The following TRRAP variants were observed in gnomAD, a reference collection of about 807,000 sequenced individuals.
TRRAP encodes transformation/transcription domain associated protein, also known as transformation/transcription domain-associated protein.
Under a neutral mutation model 438.8 loss-of-function variants are expected in TRRAP, and 41 were observed. The ratio of observed to expected loss-of-function variants is 0.09; its 90% CI spans 0.07 to 0.12. The LOEUF (loss-of-function observed/expected upper bound fraction) is 0.12. TRRAP is among the 10% of genes least tolerant of loss of function. The pLI is 1.00. For synonymous variants in TRRAP, 1,994 were observed against 1,962.9 expected (o/e 1.02, Z -0.42); for missense variants, 3,122 against 5,055.1 (o/e 0.62, Z 11.60).
At chr7:98,886,335 T>TAGATAGATATAGATATCTATATAGATAG (rs1414903669) in intron 3 of TRRAP, among the ~76,000 whole-genome samples, 4 of 150,300 alleles carry the variant, frequency 2.7e-5, no homozygotes, top group African/African-American at 7.5e-5. Flanking sequence ...GAGATAGATA[T>TAGATAGATATAGATATCTATATAGATAG]AGATAGATAT....
At chr7:98,895,312 C>T (rs545296079) in intron 6 of TRRAP, among the ~76,000 whole-genome samples, 1 of 152,118 alleles carries the variant, frequency 6.6e-6, no homozygotes, top group South Asian at 2.1e-4. Flanking sequence ...TATGGAATAC[C>T]TTTGTTTACT....
chr7:98,964,981 G>C (rs986364278), intron 48 of TRRAP, among the ~76,000 whole-genome samples: 1 of 152,218 alleles, frequency 6.6e-6, no homozygotes, highest in South Asian at 2.1e-4. Flanking sequence ...AGCTGGGTAC[G>C]GTGGCACGCC....
intron 64 of TRRAP, among the ~76,000 whole-genome samples, chr7:98,990,902 A>G (rs909219051): frequency 6.6e-6 from 1 of 152,238 alleles, no homozygotes; most frequent in African/African-American, 2.4e-5. Context: ...ATAAACTTGT[A>G]GTAAAACATA....
intron 25 of TRRAP, 146 bp from the exon 26 acceptor site, chr7:98,931,259 G>A (rs189701662): frequency 7.3e-5 from 84 of 1,156,832 alleles, no homozygotes; most frequent in Admixed American, 1.8e-4. Context: ...CACCAAGTGG[G>A]TGCCGTGAAG....
In TRRAP at chr7:98,961,440, C is replaced by T. The variant is rs1351458109; in HGVS notation, c.6669C>T (p.Leu2223=). The T allele has an allele frequency of 6.2e-7, 1 of 1,614,262 alleles. No individual in the cohort carries two copies. Reference sequence around the variant, plus strand: ...TGTTGCGAGCCGTCCACAGCCTTCTCTCGCGCCTGATGAGCATTTTCCCAA... The same window carrying T: ...TGTTGCGAGCCGTCCACAGCCTTCTTTCGCGCCTGATGAGCATTTTCCCAA... ...TKVLRAVHSL[L]SRLMSIFPTE... The change falls in exon 46 of 73, where the codon CTC becomes CTT. Residue 2223 remains leucine, a synonymous_variant. Coordinates refer to ENST00000456197, the MANE Select transcript of TRRAP (RefSeq NM_001375524.1).
At position 98,890,000 on chromosome 7, in the gene TRRAP, C is replaced by G. The variant is rs1314468450; in HGVS notation, c.151-335C>G. On this transcript the variant is annotated intron_variant, in intron 3 of 72. Coordinates refer to ENST00000456197, the MANE Select transcript of TRRAP (RefSeq NM_001375524.1). The stretch of plus-strand genomic sequence containing the variant: ...TGCTCAGGCTCTTTGTTTTCCAGAT[C>G]AAGAAACTGAGACCTAGAAGCTAAA... 2.0e-5 allele frequency among the ~76,000 whole-genome samples: 3 copies of G among 152,132 alleles called. 1 individual carries two copies. The highest frequency in any genetic ancestry group is 7.2e-5 in the African/African-American group (3 of 41,426).
chr7:98,881,571 C>CAAA (rs35358303), intron 2 of TRRAP: 53 of 124,044 alleles, frequency 4.3e-4, no homozygotes, highest in Middle Eastern at 3.0e-3. Flanking sequence ...GACTCCCTCT[C>CAAA]AAAAAAAAAA....
intron 67 of TRRAP, among the ~76,000 whole-genome samples, chr7:98,997,633 T>G (rs1793732206): frequency 6.6e-6 from 1 of 151,322 alleles, no homozygotes; most frequent in African/African-American, 2.5e-5. Flanking sequence ...TTCAGGAACA[T>G]TCAGCTTGGA....
chr7:98,983,153 T>C, intron 59 of TRRAP, 111 bp from the exon 60 acceptor site: 4 of 1,031,040 alleles, frequency 3.9e-6, no homozygotes, highest in Non-Finnish European at 5.6e-6. Context: ...CCTTTGGTAA[T>C]TGCATCATAA....
chr7:98,948,081 T>A lies in TRRAP; in HGVS notation c.4549-140T>A. The A allele has an allele frequency of 8.2e-7, 1 of 1,225,826 alleles. No homozygotes were observed. Among genetic ancestry groups the A allele is most frequent in the South Asian group, 1.4e-5 (1 of 71,566 alleles). 75.9% of individuals were successfully genotyped at this position (1,225,826 alleles called of 1,614,324 possible). A position where few individuals can be genotyped will look rare whatever the true frequency, so the allele number is the denominator to read the frequency against. ...GTTAGAACCTAAGGCTAGTAAGTTG[T>A]GGCTTTTACATGTGAACCCTTCGCT... On this transcript the variant is annotated intron_variant, in intron 33 of 72. Transcript: ENST00000456197. This position sits in a 1 kb window ranked among gnomAD's most constrained non-coding sequence, Gnocchi z 4.9.
intron 7 of TRRAP, 70 bp from the exon 8 acceptor site, chr7:98,897,670 TG>T (rs1562930467): frequency 1.2e-5 from 18 of 1,454,026 alleles, no homozygotes; most frequent in African/African-American, 1.0e-4. Context: ...TGTTTTGTTT[TG>T]TTTTGTTTTG....
chr7:98,920,422 A>AT (rs1454567750), intron 20 of TRRAP, among the ~76,000 whole-genome samples: 1 of 151,540 alleles, frequency 6.6e-6, no homozygotes, highest in Non-Finnish European at 1.5e-5. Flanking sequence ...GTGAGCCGAG[A>AT]TTGCACCACT....
intron 3 of TRRAP, among the ~76,000 whole-genome samples, chr7:98,887,740 A>AC (rs1554404173): frequency 2.1e-5 from 3 of 144,266 alleles, no homozygotes; most frequent in South Asian, 2.1e-4. Context: ...AAAAAAAAAA[A>AC]AAAAAAAAAA....
At chr7:98,949,914 T>G in intron 37 of TRRAP, 73 bp downstream of exon 37, 1 of 1,572,888 alleles carries the variant, frequency 6.4e-7, no homozygotes, top group Non-Finnish European at 8.6e-7. Flanking sequence ...CTCCTTCTAC[T>G]CTGTACAAGG....
intron 62 of TRRAP, among the ~76,000 whole-genome samples, chr7:98,986,851 G>T (rs1793170740): frequency 6.6e-6 from 1 of 152,124 alleles, no homozygotes; most frequent in Admixed American, 6.5e-5. Flanking sequence ...TTGGGTCTCT[G>T]ATCCATTTTG....
intron 12 of TRRAP, among the ~76,000 whole-genome samples, chr7:98,904,796 C>T (rs868913944): frequency 9.2e-5 from 14 of 152,170 alleles, no homozygotes; most frequent in African/African-American, 3.1e-4. Flanking sequence ...CTTAAATAGA[C>T]ATTAGCATCA....
intron 5 of TRRAP, among the ~76,000 whole-genome samples, chr7:98,893,208 C>T (rs1240026488): frequency 3.9e-5 from 6 of 152,156 alleles, no homozygotes; most frequent in African/African-American, 1.4e-4. Context: ...CTTTGGCCTC[C>T]CAAAGTGCTC....
In TRRAP at chr7:99,010,108, G is replaced by C. The variant is rs184938462; in HGVS notation, c.10939-944G>C. Among the ~76,000 whole-genome samples the C allele has an allele frequency of 6.7e-3, 1,013 of 152,078 alleles. 16 individuals carry two copies. The highest frequency in any genetic ancestry group is 0.023 in the African/African-American group (945 of 41,502). On this transcript the variant is annotated intron_variant, in intron 70 of 72. Coordinates refer to ENST00000456197, the MANE Select transcript of TRRAP (RefSeq NM_001375524.1). ...TCACCATGTTGGCCAGGCTGGTCTT[G>C]AACTCCTGACCTCGTGATCCACCCA...
chr7:98,921,942 C>G lies in TRRAP; in HGVS notation c.2812C>G (p.Pro938Ala), dbSNP rs782703692. Residue 938 changes from proline to alanine, a missense_variant, in exon 21 of 73, where the codon CCC (proline) becomes GCC (alanine). Pro to Ala is a conservative substitution (Grantham distance 27, BLOSUM62 -1). Coordinates refer to ENST00000456197, the MANE Select transcript of TRRAP (RefSeq NM_001375524.1). ...FSDCKASLQL[P>A]MEKAIETALD... ...CGACTGCAAAGCTTCTCTCCAGCTC[C>G]CCATGGAGAAGGTAAGCTCTGTGAC... 1 of 1,614,086 alleles carries G rather than the reference C, an allele frequency of 6.2e-7. No homozygotes were observed. Among genetic ancestry groups the G allele is most frequent in the African/African-American group, 1.3e-5 (1 of 74,934 alleles).
Sources: gnomAD v4.1 joint callset for allele counts (sites outside exome capture counted in the v4.1 genomes callset) on GRCh38, gnomAD v4.1.1 for gene constraint, Gnocchi (gnomAD v3.1) non-coding constraint, MANE v1.5 for transcripts, NCBI Gene and HGNC (gene_info 2026-07-23, HGNC 2026-07-21) for gene names.